KHDRBS3: variants seen among roughly 807,000 people sequenced by gnomAD.
KHDRBS3 encodes KH RNA binding domain containing, signal transduction associated 3, also known as KH domain-containing, RNA-binding, signal transduction-associated protein 3.
Under a neutral mutation model 45.6 loss-of-function variants are expected in KHDRBS3, and 23 were observed. The ratio of observed to expected loss-of-function variants is 0.50; its 90% CI spans 0.36 to 0.72. The LOEUF is 0.72. KHDRBS3 is among the 30% of genes least tolerant of loss of function. The pLI is 0.00. For missense variants in KHDRBS3, 352 were observed against 424.8 expected (o/e 0.83, Z 1.51); for synonymous variants, 162 against 156.5 (o/e 1.04, Z -0.26).
chr8:135,464,628 T>G (rs1013810086), intron 1 of KHDRBS3, among the ~76,000 whole-genome samples: 8 of 152,350 alleles, frequency 5.3e-5, no homozygotes, highest in African/African-American at 1.9e-4. Flanking sequence ...GGGGGGAATA[T>G]GTTTAAATAT....
intron 7 of KHDRBS3, among the ~76,000 whole-genome samples, chr8:135,607,783 A>C (rs2131031038): frequency 6.6e-6 from 1 of 152,330 alleles, no homozygotes. Context: ...ATGGACTATG[A>C]GGTGATTTTG....
At chr8:135,583,749 G>A (rs7016387) in intron 6 of KHDRBS3, among the ~76,000 whole-genome samples, 152,184 of 152,314 alleles carry the variant, frequency 1, 76,027 homozygotes, top group Middle Eastern at 1. Flanking sequence ...GATTTCTACC[G>A]TGTGAGCCAG....
chr8:135,487,776 A>G (rs1367135812), intron 1 of KHDRBS3, among the ~76,000 whole-genome samples: 1 of 152,136 alleles, frequency 6.6e-6, no homozygotes, highest in African/African-American at 2.4e-5. Context: ...TGCTGTAAGG[A>G]AGGGAGAGAG....
chr8:135,619,658 A>G (rs940886555), intron 7 of KHDRBS3, among the ~76,000 whole-genome samples: 1 of 151,914 alleles, frequency 6.6e-6, no homozygotes, highest in African/African-American at 2.4e-5. Flanking sequence ...AATGCTATCA[A>G]TAGCTATCAT....
intron 7 of KHDRBS3, chr8:135,626,120 C>T: frequency 2.0e-6 from 1 of 498,478 alleles, no homozygotes; most frequent in Non-Finnish European, 3.6e-6. Flanking sequence ...AGGACTTCTG[C>T]TTTAATATCA....
At chr8:135,536,110 C>A (rs1421579634) in intron 2 of KHDRBS3, among the ~76,000 whole-genome samples, 1 of 152,044 alleles carries the variant, frequency 6.6e-6, no homozygotes, top group Non-Finnish European at 1.5e-5. Context: ...TACTCTCATG[C>A]TAGCCCACCC....
chr8:135,473,021 CTG>C (rs1174998021), intron 1 of KHDRBS3, among the ~76,000 whole-genome samples: 3 of 136,880 alleles, frequency 2.2e-5, no homozygotes, highest in South Asian at 2.5e-4. Flanking sequence ...ACACCTAAAA[CTG>C]TTTATTTGAA....
At chr8:135,616,479 C>T (rs903576196) in intron 7 of KHDRBS3, among the ~76,000 whole-genome samples, 3 of 152,168 alleles carry the variant, frequency 2.0e-5, no homozygotes, top group African/African-American at 7.2e-5. Context: ...CTTTAATGTT[C>T]TTGAGACTAC....
chr8:135,517,099 T>C (rs765668853), intron 1 of KHDRBS3, among the ~76,000 whole-genome samples: 13 of 152,154 alleles, frequency 8.5e-5, no homozygotes, highest in Non-Finnish European at 1.9e-4. Flanking sequence ...AATACAGATA[T>C]TATTACTGAA....
At chr8:135,504,322 C>A (rs1156317926) in intron 1 of KHDRBS3, among the ~76,000 whole-genome samples, 2 of 152,068 alleles carry the variant, frequency 1.3e-5, no homozygotes, top group Non-Finnish European at 2.9e-5. Flanking sequence ...CAAAATAGCT[C>A]GTTTAAACGG....
intron 1 of KHDRBS3, among the ~76,000 whole-genome samples, chr8:135,494,125 T>G (rs979491743): frequency 1.3e-5 from 2 of 151,800 alleles, no homozygotes; most frequent in Admixed American, 6.6e-5. Context: ...CTTTACTCTT[T>G]TTTTTCTTAA....
At chr8:135,608,752 A>C (rs953376231) in intron 7 of KHDRBS3, among the ~76,000 whole-genome samples, 12 of 152,214 alleles carry the variant, frequency 7.9e-5, no homozygotes, top group African/African-American at 2.9e-4. Context: ...TTGTGTGAAC[A>C]TCATAGAGTG....
intron 7 of KHDRBS3, among the ~76,000 whole-genome samples, chr8:135,628,460 G>A (rs1830463791): frequency 6.6e-6 from 1 of 152,038 alleles, no homozygotes; most frequent in Non-Finnish European, 1.5e-5. Flanking sequence ...GAAAAATGTT[G>A]TTTTTAAACC....
intron 7 of KHDRBS3, among the ~76,000 whole-genome samples, chr8:135,610,453 C>A (rs919076316): frequency 2.0e-5 from 3 of 151,708 alleles, no homozygotes; most frequent in African/African-American, 7.3e-5. Flanking sequence ...GTTATTTATT[C>A]AATCAGTGTT....
chr8:135,560,719 T>C (rs1827128490), intron 5 of KHDRBS3, among the ~76,000 whole-genome samples: 1 of 152,252 alleles, frequency 6.6e-6, no homozygotes, highest in Non-Finnish European at 1.5e-5. Flanking sequence ...GCATTGCTTG[T>C]CATTTAAAGT....
intron 8 of KHDRBS3, among the ~76,000 whole-genome samples, chr8:135,646,372 A>G (rs1831288326): frequency 6.6e-6 from 1 of 152,186 alleles, no homozygotes; most frequent in Non-Finnish European, 1.5e-5. Context: ...TAGCATTATG[A>G]TGAATGAAAT....
At chr8:135,611,203 C>T (rs987171575) in intron 7 of KHDRBS3, among the ~76,000 whole-genome samples, 18 of 151,840 alleles carry the variant, frequency 1.2e-4, no homozygotes, top group Non-Finnish European at 8.8e-5. Flanking sequence ...TGGACAAGTA[C>T]AGAAGCCACT....
At chr8:135,580,322 G>A (rs1828141887) in intron 5 of KHDRBS3, among the ~76,000 whole-genome samples, 1 of 152,072 alleles carries the variant, frequency 6.6e-6, no homozygotes, top group Non-Finnish European at 1.5e-5. Flanking sequence ...ATAGAGAACT[G>A]GTATCATTTC....
chr8:135,606,550 C>A (rs1315756509), intron 6 of KHDRBS3, among the ~76,000 whole-genome samples: 1 of 152,118 alleles, frequency 6.6e-6, no homozygotes, highest in Non-Finnish European at 1.5e-5. Flanking sequence ...AGCATCCAGA[C>A]TCCTGGTGAT....
Sources: gnomAD v4.1 joint callset for allele counts (sites outside exome capture counted in the v4.1 genomes callset) on GRCh38, gnomAD v4.1.1 for gene constraint, MANE v1.5 for transcripts, NCBI Gene and HGNC (gene_info 2026-07-23, HGNC 2026-07-21) for gene names.